The following TTC39A variants were observed in gnomAD, a reference collection of about 807,000 sequenced individuals.
TTC39A encodes the protein tetratricopeptide repeat domain 39A.
Under a neutral mutation model 82.3 loss-of-function variants are expected in TTC39A, and 46 were observed. That is an observed-to-expected ratio of 0.56 (90% CI 0.44 to 0.71). TTC39A has a LOEUF of 0.71. TTC39A is among the 30% of genes least tolerant of loss of function. The probability of loss-of-function intolerance (pLI) is 0.00; values close to 1 mark genes in which losing one functional copy is unlikely to be tolerated. For missense variants in TTC39A, 543 were observed against 712.9 expected (o/e 0.76, Z 2.71); for synonymous variants, 254 against 275.2 (o/e 0.92, Z 0.76).
In TTC39A at chr1:51,294,367, C is replaced by T. The variant is rs774248365; in HGVS notation, c.1266+24G>A. ...CCACAATCCTATACCCGGAGGGCAG[C>T]GCCAGTCCAGACCTCCTACCCACCA... On this transcript the variant is annotated intron_variant, in intron 14 of 17. Coordinates refer to ENST00000680483, the MANE Select transcript of TTC39A (RefSeq NM_001297663.2). This position sits in a 1 kb window ranked among gnomAD's most constrained non-coding sequence, Gnocchi z 4.3. 19 of 1,613,686 alleles carry T rather than the reference C, an allele frequency of 1.2e-5. No individual in the cohort carries two copies. The East Asian group carries it at 2.0e-4, about 17-fold the overall frequency.
chr1:51,304,389 T>C (rs2148189673), intron 8 of TTC39A, among the ~76,000 whole-genome samples: 1 of 152,274 alleles, frequency 6.6e-6, no homozygotes, highest in African/African-American at 2.4e-5. Flanking sequence ...GAGAAACATT[T>C]ATCTGGTCCA....
At chr1:51,313,000 G>T in intron 2 of TTC39A, 57 bp from the exon 3 acceptor site, 1 of 1,578,002 alleles carries the variant, frequency 6.3e-7, no homozygotes, top group Non-Finnish European at 8.6e-7. Context: ...GAGGCAGCTG[G>T]TCCTGGGCAG....
intron 11 of TTC39A, 107 bp downstream of exon 11, chr1:51,302,250 C>A (rs757371898): frequency 1.4e-5 from 8 of 580,790 alleles, no homozygotes; most frequent in East Asian, 1.2e-4. Context: ...GCCCCCCCCC[C>A]GCCCCCAGTC....
intron 5 of TTC39A, chr1:51,309,580 A>T (rs1308154648): frequency 5.9e-6 from 4 of 681,432 alleles, no homozygotes; most frequent in African/African-American, 5.6e-5. Context: ...CCCAGTGATT[A>T]ACAGTATCTC....
At chr1:51,296,056 T>C (rs1362604422) in intron 13 of TTC39A, 23 bp downstream of exon 13, 1 of 1,559,740 alleles carries the variant, frequency 6.4e-7, no homozygotes, top group Non-Finnish European at 8.7e-7. Context: ...GCCTACACAG[T>C]GGGAGCACGA....
rs558622704 is a variant in TTC39A, at chr1:51,327,699, A to ATT, written c.41+2736_41+2737dup. On this transcript the variant is annotated intron_variant, in intron 1 of 17. Transcript: ENST00000680483. Reference sequence around the variant, plus strand: ...TTTTTTTCTAAAATTATGTATTGCCATTTTTTTTTTTTTTTTTGAGAGAGG... The same window carrying ATT: ...TTTTTTTCTAAAATTATGTATTGCCATTTTTTTTTTTTTTTTTTTGAGAGAGG... Among the ~76,000 whole-genome samples, 910 of 138,540 alleles carry ATT rather than the reference A, an allele frequency of 6.6e-3. 9 individuals are homozygous for ATT. The highest frequency in any genetic ancestry group is 0.023 in the African/African-American group (850 of 37,534). 90.9% of individuals were successfully genotyped at this position (138,540 alleles called of 152,430 possible). A position where few individuals can be genotyped will look rare whatever the true frequency, so the allele number is the denominator to read the frequency against.
In TTC39A at chr1:51,330,350, G is replaced by T. The variant is rs1046462080; in HGVS notation, c.41+87C>A. ...GCAGTGCGGCCCCAGGCCGGTGCGCGGGGGGAGGCCTGGCGCGGCGCCCGC... is the reference window on the plus strand; with the variant it reads ...GCAGTGCGGCCCCAGGCCGGTGCGCTGGGGGAGGCCTGGCGCGGCGCCCGC... On this transcript the variant is annotated intron_variant, in intron 1 of 17. Transcript: ENST00000680483. This position sits in a 1 kb window ranked among gnomAD's most constrained non-coding sequence, Gnocchi z 4.5. The T allele has an allele frequency of 1.1e-6, 1 of 920,722 alleles. No individual in the cohort carries two copies. The highest frequency in any genetic ancestry group is 1.3e-6 in the Non-Finnish European group (1 of 773,028). The allele number at this position is 920,722 out of a possible 1,614,324, so 57.0% of individuals were successfully genotyped here.
Position 51,330,491 on chromosome 1 carries a change from G to A in TTC39A, c.-14C>T, listed in dbSNP as rs531490371. 10 of 983,590 alleles carry A rather than the reference G, an allele frequency of 1.0e-5. No homozygotes were observed. The highest frequency in any genetic ancestry group is 3.5e-5 in the African/African-American group (2 of 56,860). The allele number at this position is 983,590 out of a possible 1,614,324, so 60.9% of individuals were successfully genotyped here. A position where few individuals can be genotyped will look rare whatever the true frequency, so the allele number is the denominator to read the frequency against. On this transcript the variant is annotated 5_prime_UTR_variant, in exon 1 of 18. Transcript: ENST00000680483. The surrounding 1 kb of genome is among the most constrained non-coding windows in gnomAD (Gnocchi z 4.5). ...AGCCGAGGTCATCGCCGAGGGGCGC[G>A]GGCGGCGCTGCCCCAGCCGGACGCC...
At chr1:51,310,651 C>T (rs539604027) in intron 5 of TTC39A, among the ~76,000 whole-genome samples, 42 of 152,284 alleles carry the variant, frequency 2.8e-4, no homozygotes, top group African/African-American at 9.6e-4. Context: ...ATGCAGTGAT[C>T]GTTCTCATCA....
chr1:51,293,568 G>A (rs1016482351), intron 14 of TTC39A, among the ~76,000 whole-genome samples: 3 of 152,276 alleles, frequency 2.0e-5, no homozygotes, highest in East Asian at 1.9e-4. Context: ...AGAGGGAACC[G>A]ACCTAAAGCT....
rs970625224 is a variant in TTC39A, at chr1:51,320,140, T to A, written c.146+1581A>T. Reference sequence around the variant, plus strand: ...ACATGTCTGTCCTCCCAAGGATAGGTTTCCAGGAAAATGAGGGGGGTACTG... The same window carrying A: ...ACATGTCTGTCCTCCCAAGGATAGGATTCCAGGAAAATGAGGGGGGTACTG... On this transcript the variant is annotated intron_variant, in intron 2 of 17. Transcript: ENST00000680483. Among the ~76,000 whole-genome samples the A allele has an allele frequency of 7.9e-5, 12 of 152,012 alleles. No individual in the cohort carries two copies. The East Asian group carries it at 2.1e-3, about 27-fold the overall frequency.
intron 6 of TTC39A, among the ~76,000 whole-genome samples, chr1:51,308,159 G>C (rs1644942574): frequency 6.6e-6 from 1 of 151,872 alleles, no homozygotes; most frequent in Non-Finnish European, 1.5e-5. Flanking sequence ...AGTCACTCTT[G>C]TGCTGTTTCC....
intron 7 of TTC39A, chr1:51,305,575 G>A: frequency 6.4e-6 from 2 of 312,368 alleles, no homozygotes; most frequent in Non-Finnish European, 1.2e-5. Context: ...ACAAGACTTA[G>A]TTCTCTGTCC....
chr1:51,345,099 G>A (rs953178023), exon 1 of TTC39A: 39 of 1,245,020 alleles, frequency 3.1e-5, no homozygotes, highest in Non-Finnish European at 3.6e-5. Context: ...CGGCGGCGGC[G>A]GCCGTGGAGG....
At position 51,294,412 on chromosome 1, in the gene TTC39A, G is replaced by A. The variant is rs1557698857; in HGVS notation, c.1245C>T (p.Ile415=). ...KSRRYFSSNP[I]SLPVPALEMM... is the part of the protein sequence containing the mutation. ...CCACCAGAGCAGGCACTGGCAGCGA[G>A]ATAGGGTTGGAGGAGAAGTAGCGCC... Residue 415 remains isoleucine, a synonymous_variant, in exon 14 of 18, where the codon ATC becomes ATT. Transcript: ENST00000680483. The surrounding 1 kb of genome is among the most constrained non-coding windows in gnomAD (Gnocchi z 4.3). 1.2e-6 allele frequency: 2 copies of A among 1,613,930 alleles called. No homozygotes were observed. The highest frequency in any genetic ancestry group is 1.3e-5 in the African/African-American group (1 of 74,942).
At chr1:51,292,014 G>A (rs1174701331) in intron 14 of TTC39A, among the ~76,000 whole-genome samples, 2 of 152,052 alleles carry the variant, frequency 1.3e-5, no homozygotes, top group African/African-American at 2.4e-5. Context: ...GCAACACAGT[G>A]AGATATCATC....
chr1:51,291,419 A>G (rs1158595811), intron 14 of TTC39A, among the ~76,000 whole-genome samples: 2 of 151,888 alleles, frequency 1.3e-5, no homozygotes, highest in East Asian at 3.9e-4. Flanking sequence ...TGAATCCAGG[A>G]AGCGGAAGTT....
In TTC39A at chr1:51,321,370, C is replaced by A. The variant is rs1255207664; in HGVS notation, c.146+351G>T. ...CAGCCCTCTTGATTGCCCTAAAACA[C>A]CCAGGAAAGCAGGCAACCTAAGTCT... On this transcript the variant is annotated intron_variant, in intron 2 of 17. Transcript: ENST00000680483. This position sits in a 1 kb window ranked among gnomAD's most constrained non-coding sequence, Gnocchi z 4.6. Among the ~76,000 whole-genome samples the A allele has an allele frequency of 6.6e-6, 1 of 152,130 alleles. No homozygotes were observed. The highest frequency in any genetic ancestry group is 6.5e-5 in the Admixed American group (1 of 15,278).
chr1:51,288,217 G>T lies in TTC39A; in HGVS notation c.1674C>A (p.Leu558=), dbSNP rs772365533. The change falls in exon 18 of 18, where the codon CTC becomes CTA. Residue 558 remains leucine (L), a synonymous_variant. Coordinates refer to ENST00000680483, the MANE Select transcript of TTC39A (RefSeq NM_001297663.2). The surrounding 1 kb of genome is among the most constrained non-coding windows in gnomAD (Gnocchi z 4.8). ...TGTTCTCTAGGGAAGACTTGGCTTG[G>T]AGTGTGGCTGCCTGGATTCGAAAGT... ...RTHFRIQAAT[L]QAKSSLENSS... The T allele has an allele frequency of 2.5e-6, 4 of 1,614,058 alleles. No homozygotes were observed. The East Asian group carries it at 8.9e-5, about 36-fold the overall frequency.
Sources: gnomAD v4.1 joint callset for allele counts (sites outside exome capture counted in the v4.1 genomes callset) on GRCh38, gnomAD v4.1.1 for gene constraint, Gnocchi (gnomAD v3.1) non-coding constraint, MANE v1.5 for transcripts, NCBI Gene and HGNC (gene_info 2026-07-23, HGNC 2026-07-21) for gene names.